Variants in SLC25A33 observed in about 807,000 individuals in gnomAD.
SLC25A33 encodes bone marrow stromal cell mitochondrial carrier protein.
SLC25A33 carries 15 observed loss-of-function variants against 35.5 expected under a neutral mutation model. The ratio of observed to expected loss-of-function variants is 0.42; its 90% CI spans 0.28 to 0.65. SLC25A33 has a LOEUF of 0.65. Among genes scored for constraint, SLC25A33 ranks in the 30% least tolerant of loss-of-function variants. The pLI is 0.20. For missense variants in SLC25A33, 257 were observed against 398.5 expected (o/e 0.64, Z 3.02); for synonymous variants, 136 against 148.7 (o/e 0.91, Z 0.62).
chr1:9,580,568 T>C lies in SLC25A33; in HGVS notation c.763+334T>C, dbSNP rs1189163437. ...ATGATAATATGGGAGCCAAACTTAC[T>C]CAGCCTCGGCGGGGCACGGTGGCTC... On this transcript the variant is annotated intron_variant, in intron 6 of 6. Coordinates refer to ENST00000302692, the MANE Select transcript of SLC25A33 (RefSeq NM_032315.3). Among the ~76,000 whole-genome samples, 4 of 152,248 alleles carry C rather than the reference T, an allele frequency of 2.6e-5. No individual in the cohort carries two copies. The East Asian group carries it at 7.7e-4, about 29-fold the overall frequency.
rs2100419095 is a variant in SLC25A33, at chr1:9,583,453, T to A, written c.*952T>A. On this transcript the variant is annotated 3_prime_UTR_variant, in exon 7 of 7. Coordinates refer to ENST00000302692, the MANE Select transcript of SLC25A33 (RefSeq NM_032315.3). ...CCAAAGGCAAGAATTTTTAAAGAAC[T>A]GTTTTATCAATGGCCTGGCTCCTGG... 6.6e-6 allele frequency: 1 copy of A among 152,344 alleles called. No individual in the cohort carries two copies. Among genetic ancestry groups the A allele is most frequent in the African/African-American group, 2.4e-5 (1 of 41,576 alleles). The allele number at this position is 152,344 out of a possible 1,614,324, so 9.4% of individuals were successfully genotyped here.
At chr1:9,555,180 C>T (rs1001872187) in intron 2 of SLC25A33, among the ~76,000 whole-genome samples, 5 of 130,902 alleles carry the variant, frequency 3.8e-5, no homozygotes, top group Admixed American at 9.5e-5. Flanking sequence ...TGCAGTGGTG[C>T]GATCTCCACT....
chr1:9,580,253 C>T lies in SLC25A33; in HGVS notation c.763+19C>T. The T allele has an allele frequency of 6.2e-7, 1 of 1,605,820 alleles. No homozygotes were observed. On this transcript the variant is annotated intron_variant, in intron 6 of 6. Transcript: ENST00000302692. ...CCACACGGTATGTTTTGCTTTTGTT[C>T]TTCCAGAGCAGTAAAACAGCTGTCA... is the stretch of plus-strand genomic sequence containing the variant.
intron 1 of SLC25A33, among the ~76,000 whole-genome samples, chr1:9,542,494 A>G (rs143179032): frequency 1.0e-3 from 159 of 152,268 alleles, no homozygotes; most frequent in African/African-American, 3.6e-3. Context: ...AAAATATTTT[A>G]CTTTCTGTTA....
chr1:9,564,734 AAAAAAAT>A (rs1484569485), intron 2 of SLC25A33, among the ~76,000 whole-genome samples: 22 of 79,968 alleles, frequency 2.8e-4, no homozygotes, highest in African/African-American at 1.2e-3. Flanking sequence ...TTAAAAAAAA[AAAAAAAT>A]ATATATATAT....
At chr1:9,576,590 G>C (rs182859433) in intron 5 of SLC25A33, 1 of 569,576 alleles carries the variant, frequency 1.8e-6, no homozygotes, top group African/African-American at 1.9e-5. Context: ...AGTGCCACAC[G>C]GTGGGGTAAC....
At chr1:9,558,011 C>G (rs1643370160) in intron 2 of SLC25A33, among the ~76,000 whole-genome samples, 1 of 152,124 alleles carries the variant, frequency 6.6e-6, no homozygotes, top group Non-Finnish European at 1.5e-5. Context: ...GAAGAAAACT[C>G]CTTTTACGTG....
chr1:9,552,244 C>G (rs758272598), intron 1 of SLC25A33, among the ~76,000 whole-genome samples: 2 of 152,096 alleles, frequency 1.3e-5, no homozygotes, highest in South Asian at 4.1e-4. Context: ...TTAAGACAGT[C>G]TTGCTCTGTC....
In SLC25A33 at chr1:9,539,547, G is replaced by A; in HGVS notation, c.-145G>A. The A allele has an allele frequency of 2.1e-6, 1 of 466,076 alleles. No individual in the cohort carries two copies. The highest frequency in any genetic ancestry group is 3.2e-6 in the Non-Finnish European group (1 of 313,544). The allele number at this position is 466,076 out of a possible 1,614,324, so 28.9% of individuals were successfully genotyped here. A position where few individuals can be genotyped will look rare whatever the true frequency, so the allele number is the denominator to read the frequency against. On this transcript the variant is annotated 5_prime_UTR_variant, in exon 1 of 7. Transcript: ENST00000302692. ...GAAGGCGCGGGCCGAGCAGAGCCGG[G>A]CGTTGGAGCCCGCGCGCGCATGGAG...
At chr1:9,549,511 G>A (rs1243524137) in intron 1 of SLC25A33, among the ~76,000 whole-genome samples, 2 of 147,676 alleles carry the variant, frequency 1.4e-5, no homozygotes, top group Non-Finnish European at 3.0e-5. Flanking sequence ...CAACGGGGGG[G>A]ATGAACTGAT....
intron 5 of SLC25A33, chr1:9,576,888 C>G: frequency 7.8e-7 from 1 of 1,289,908 alleles, no homozygotes; most frequent in Non-Finnish European, 1.1e-6. Flanking sequence ...AATTCAGTTG[C>G]CTTGATTCAG....
intron 2 of SLC25A33, among the ~76,000 whole-genome samples, chr1:9,560,048 T>TA (rs1472025622): frequency 6.6e-6 from 1 of 152,012 alleles, no homozygotes; most frequent in Non-Finnish European, 1.5e-5. Context: ...GGTCAGGAGT[T>TA]AGAGACCAAC....
At position 9,583,591 on chromosome 1, in the gene SLC25A33, C is replaced by G. The variant is rs1361198453; in HGVS notation, c.*1090C>G. On this transcript the variant is annotated 3_prime_UTR_variant, in exon 7 of 7. Transcript: ENST00000302692. ...GAAGAACAGTCATTCCCACTGAGGT[C>G]TTTAGCCCTGTTCTTGGACCTCTGC... is the stretch of plus-strand genomic sequence containing the variant. 6.6e-6 allele frequency: 1 copy of G among 152,094 alleles called. No individual in the cohort carries two copies. The highest frequency in any genetic ancestry group is 1.5e-5 in the Non-Finnish European group (1 of 68,036). The allele number at this position is 152,094 out of a possible 1,614,324, so 9.4% of individuals were successfully genotyped here.
intron 2 of SLC25A33, among the ~76,000 whole-genome samples, chr1:9,567,033 GA>G (rs563874984): frequency 1.0e-4 from 15 of 144,714 alleles, no homozygotes; most frequent in African/African-American, 1.8e-4. Context: ...ATCTCAAAAA[GA>G]AAAAAAAAAG....
At chr1:9,564,020 C>G (rs979401055) in intron 2 of SLC25A33, among the ~76,000 whole-genome samples, 2 of 152,100 alleles carry the variant, frequency 1.3e-5, no homozygotes, top group Admixed American at 6.6e-5. Flanking sequence ...TAAGTGCTAT[C>G]AAATGGATGG....
At chr1:9,557,593 A>G (rs1643362319) in intron 2 of SLC25A33, among the ~76,000 whole-genome samples, 1 of 152,108 alleles carries the variant, frequency 6.6e-6, no homozygotes, top group Non-Finnish European at 1.5e-5. Context: ...CCAGCTACTC[A>G]GGAGGCTGAA....
At chr1:9,562,589 T>A (rs1406937875) in intron 2 of SLC25A33, among the ~76,000 whole-genome samples, 2 of 152,054 alleles carry the variant, frequency 1.3e-5, no homozygotes, top group African/African-American at 4.8e-5. Context: ...GCACAGTGGC[T>A]CATGCCTGTA....
chr1:9,546,524 C>T (rs988358743), intron 1 of SLC25A33, among the ~76,000 whole-genome samples: 4 of 152,044 alleles, frequency 2.6e-5, no homozygotes, highest in Non-Finnish European at 5.9e-5. Context: ...CAGTGACTGA[C>T]TAGAACAGTA....
chr1:9,550,459 C>CA (rs1643250168), intron 1 of SLC25A33, among the ~76,000 whole-genome samples: 1 of 152,010 alleles, frequency 6.6e-6, no homozygotes. Flanking sequence ...AGGATTTACC[C>CA]AGAAGCTCTT....
Sources: allele counts gnomAD v4.1 joint callset (sites outside exome capture counted in the v4.1 genomes callset), GRCh38; gene constraint gnomAD v4.1.1; transcripts MANE v1.5; gene names NCBI Gene and HGNC (gene_info 2026-07-23, HGNC 2026-07-21).